The following MCHR2 variants were observed in gnomAD, a reference collection of about 807,000 sequenced individuals.
MCHR2 encodes the protein melanin concentrating hormone receptor 2, also known as melanin-concentrating hormone receptor 2.
In MCHR2, 15 loss-of-function variants were observed where a neutral mutation model predicts 24.8. The ratio of observed to expected loss-of-function variants is 0.60; its 90% CI spans 0.40 to 0.93. MCHR2 has a LOEUF of 0.93. Among genes scored for constraint, MCHR2 ranks in the 40% least tolerant of loss-of-function variants. The pLI, the probability that MCHR2 is intolerant of heterozygous loss-of-function variation, is 0.00. For missense variants in MCHR2, 386 were observed against 408.7 expected (o/e 0.94, Z 0.48); for synonymous variants, 151 against 147.6 (o/e 1.02, Z -0.17).
At chr6:99,948,954 G>T (rs1312337652) in intron 2 of MCHR2, among the ~76,000 whole-genome samples, 1 of 152,134 alleles carries the variant, frequency 6.6e-6, no homozygotes, top group African/African-American at 2.4e-5. Context: ...CACTGAGAAT[G>T]ATCTCATGTC....
Position 99,994,030 on chromosome 6 carries a change from A to C in MCHR2, c.-122T>G, listed in dbSNP as rs201028337. Reference sequence around the variant, plus strand: ...TATCCGCTAAGCGCGCGTGACCAAAAACGGCTCTCAGCGGGTCCCAGCTGA... The same window carrying C: ...TATCCGCTAAGCGCGCGTGACCAAACACGGCTCTCAGCGGGTCCCAGCTGA... On this transcript the variant is annotated 5_prime_UTR_variant, in exon 1 of 6. Transcript: ENST00000281806. 6.6e-6 allele frequency: 1 copy of C among 152,110 alleles called. No individual in the cohort carries two copies. The highest frequency in any genetic ancestry group is 6.5e-5 in the Admixed American group (1 of 15,288). 9.4% of individuals were successfully genotyped at this position (152,110 alleles called of 1,614,324 possible). A position where few individuals can be genotyped will look rare whatever the true frequency, so the allele number is the denominator to read the frequency against.
chr6:99,924,553 C>A (rs960689430), intron 5 of MCHR2, among the ~76,000 whole-genome samples: 1 of 151,970 alleles, frequency 6.6e-6, no homozygotes, highest in African/African-American at 2.4e-5. Flanking sequence ...TATAAACTTC[C>A]CATTTAGTAC....
chr6:99,975,424 A>T (rs1775528830), intron 1 of MCHR2, among the ~76,000 whole-genome samples: 1 of 152,058 alleles, frequency 6.6e-6, no homozygotes, highest in East Asian at 1.9e-4. Flanking sequence ...CCGTTGGAAA[A>T]CCGCAGTATT....
intron 5 of MCHR2, among the ~76,000 whole-genome samples, chr6:99,921,553 C>G (rs1774232866): frequency 6.6e-6 from 1 of 152,068 alleles, no homozygotes; most frequent in Admixed American, 6.6e-5. Flanking sequence ...TACAGGCATG[C>G]AATGTGTAAT....
At chr6:99,967,631 C>T (rs1334299557) in intron 1 of MCHR2, among the ~76,000 whole-genome samples, 1 of 152,072 alleles carries the variant, frequency 6.6e-6, no homozygotes, top group Non-Finnish European at 1.5e-5. Flanking sequence ...GGAAAAAAAT[C>T]ATCTGGGGAA....
chr6:99,926,840 A>T (rs1774372083), intron 5 of MCHR2, among the ~76,000 whole-genome samples: 1 of 152,146 alleles, frequency 6.6e-6, no homozygotes, highest in Non-Finnish European at 1.5e-5. Context: ...CTTCAGTTTA[A>T]TTAGACTCCA....
intron 1 of MCHR2, among the ~76,000 whole-genome samples, chr6:99,973,134 C>T (rs1027818119): frequency 6.6e-5 from 10 of 151,678 alleles, no homozygotes; most frequent in Admixed American, 6.6e-5. Context: ...CTTTCTGTCT[C>T]GTTGATCTGT....
intron 1 of MCHR2, among the ~76,000 whole-genome samples, chr6:99,961,163 G>T (rs545057354): frequency 6.6e-6 from 1 of 150,882 alleles, no homozygotes; most frequent in Non-Finnish European, 1.5e-5. Context: ...GTGGGCAAAG[G>T]ATATGAACAG....
chr6:99,986,904 AC>A, intron 1 of MCHR2, among the ~76,000 whole-genome samples: 1 of 150,888 alleles, frequency 6.6e-6, no homozygotes, highest in Non-Finnish European at 1.5e-5. Flanking sequence ...TAATATATAT[AC>A]ATGGACCCTT....
intron 5 of MCHR2, among the ~76,000 whole-genome samples, chr6:99,923,419 G>C (rs1295619643): frequency 6.6e-6 from 1 of 151,990 alleles, no homozygotes; most frequent in African/African-American, 2.4e-5. Flanking sequence ...TAGGACCTCA[G>C]TACTATGTTA....
intron 1 of MCHR2, among the ~76,000 whole-genome samples, chr6:99,993,387 T>C (rs1444960381): frequency 6.6e-6 from 1 of 152,100 alleles, no homozygotes; most frequent in Non-Finnish European, 1.5e-5. Context: ...ATTAACTAAG[T>C]TAACTAAGTG....
chr6:99,962,296 A>T (rs922996136), intron 1 of MCHR2, among the ~76,000 whole-genome samples: 3 of 152,316 alleles, frequency 2.0e-5, no homozygotes, highest in East Asian at 3.9e-4. Flanking sequence ...GAAGTTAGAT[A>T]GCATGAGATT....
chr6:99,988,487 C>G (rs575762787), intron 1 of MCHR2, among the ~76,000 whole-genome samples: 43 of 152,320 alleles, frequency 2.8e-4, no homozygotes, highest in African/African-American at 1.0e-3. Context: ...GTATCAATGG[C>G]TGGAATTGTG....
At chr6:99,946,138 C>A (rs901811084) in intron 3 of MCHR2, among the ~76,000 whole-genome samples, 3 of 152,062 alleles carry the variant, frequency 2.0e-5, no homozygotes, top group Non-Finnish European at 4.4e-5. Flanking sequence ...CTTTAGGTCA[C>A]TTTTCTACAG....
intron 2 of MCHR2, among the ~76,000 whole-genome samples, chr6:99,952,780 G>C (rs1774989366): frequency 6.6e-6 from 1 of 152,058 alleles, no homozygotes; most frequent in Non-Finnish European, 1.5e-5. Flanking sequence ...CATGTGCAAG[G>C]AAAAGTGTTA....
chr6:99,958,609 C>A (rs1443516273), intron 1 of MCHR2, among the ~76,000 whole-genome samples: 1 of 152,126 alleles, frequency 6.6e-6, no homozygotes, highest in Non-Finnish European at 1.5e-5. Context: ...CTCTTTCTCC[C>A]ATGGCACCAC....
chr6:99,960,546 A>G (rs1008649934), intron 1 of MCHR2, among the ~76,000 whole-genome samples: 5 of 152,220 alleles, frequency 3.3e-5, no homozygotes, highest in African/African-American at 1.2e-4. Context: ...CAAAAGGAAC[A>G]AAGCCAGAGG....
At chr6:99,963,310 T>C (rs917115619) in intron 1 of MCHR2, among the ~76,000 whole-genome samples, 1 of 152,086 alleles carries the variant, frequency 6.6e-6, no homozygotes, top group Non-Finnish European at 1.5e-5. Flanking sequence ...ACACATACAA[T>C]GGAATATTAT....
At chr6:99,986,451 A>T (rs991210637) in intron 1 of MCHR2, among the ~76,000 whole-genome samples, 3 of 152,190 alleles carry the variant, frequency 2.0e-5, no homozygotes. Context: ...AGATAAAGAA[A>T]ATGTGGTATA....
Sources: allele counts gnomAD v4.1 joint callset (sites outside exome capture counted in the v4.1 genomes callset), GRCh38; gene constraint gnomAD v4.1.1; transcripts MANE v1.5; gene names NCBI Gene and HGNC (gene_info 2026-07-23, HGNC 2026-07-21).